Variants in ZNF37A observed in about 807,000 individuals in gnomAD.
The protein encoded by ZNF37A is zinc finger protein 37A, also known as zinc finger protein 37a (KOX 21).
A neutral mutation model predicts 12.3 loss-of-function variants in ZNF37A; 10 were observed. The observed-to-expected ratio is 0.82, with a 90% CI of 0.50 to 1.38. The LOEUF (loss-of-function observed/expected upper bound fraction) is 1.38. Among genes scored for constraint, ZNF37A ranks in the 40% most tolerant of loss-of-function variants. ZNF37A has a pLI of 0.00. For missense variants in ZNF37A, 580 were observed against 651.2 expected, an observed-to-expected ratio of 0.89 and a Z score of 1.19; for synonymous variants, 207 against 223.0, an observed-to-expected ratio of 0.93 and a Z score of 0.64.
intron 7 of ZNF37A, among the ~76,000 whole-genome samples, chr10:38,146,561 G>A (rs1333578336): frequency 6.6e-6 from 1 of 152,160 alleles, no homozygotes; most frequent in African/African-American, 2.4e-5. Flanking sequence ...GTTGATCCTG[G>A]AACAATCTGG....
downstream of ZNF37A, chr10:38,125,448 T>C (rs1387068467): frequency 6.6e-6 from 1 of 152,188 alleles, no homozygotes; most frequent in Non-Finnish European, 1.5e-5. Context: ...TTTTTAAATG[T>C]CCTGTGTTTA....
intron 5 of ZNF37A, among the ~76,000 whole-genome samples, chr10:38,101,349 ATTT>A (rs35151327): frequency 1.4e-5 from 2 of 145,104 alleles, no homozygotes; most frequent in Admixed American, 6.8e-5. Flanking sequence ...TTTTGAGTTA[ATTT>A]TTTTTTTTTT....
intron 5 of ZNF37A, among the ~76,000 whole-genome samples, chr10:38,097,527 G>A (rs2067238547): frequency 7.3e-6 from 1 of 136,712 alleles, no homozygotes; most frequent in Non-Finnish European, 1.5e-5. Flanking sequence ...GCAGTGAGCC[G>A]AGATTGAGAT....
intron 6 of ZNF37A, 93 bp downstream of exon 6, chr10:38,114,974 T>A: frequency 1.4e-6 from 2 of 1,481,044 alleles, no homozygotes; most frequent in Non-Finnish European, 1.8e-6. Flanking sequence ...TATAATAATA[T>A]TTAGGTTTGA....
rs149851397 is a variant in ZNF37A at position 38,124,554 on chromosome 10, A to G, written c.*5717A>G. On this transcript the variant is annotated 3_prime_UTR_variant, in exon 8 of 8. Coordinates refer to ENST00000685332, the MANE Select transcript of ZNF37A (RefSeq NM_001324250.3). ...ATGCCTATATCAAAATATATCATGT[A>G]CCCCATAGATATATACACCTAGTAT... 6.6e-6 allele frequency: 1 copy of G among 152,142 alleles called. No individual in the cohort carries two copies. Among genetic ancestry groups the G allele is most frequent in the African/African-American group, 2.4e-5 (1 of 41,418 alleles). The allele number at this position is 152,142 out of a possible 1,614,324, so 9.4% of individuals were successfully genotyped here.
chr10:38,144,001 A>G (rs2070221249), intron 7 of ZNF37A: 1 of 152,262 alleles, frequency 6.6e-6, no homozygotes. Flanking sequence ...CATGGTCCAC[A>G]TGGCGCCTGT....
At chr10:38,146,564 C>T (rs1247181033) in intron 7 of ZNF37A, among the ~76,000 whole-genome samples, 4 of 152,150 alleles carry the variant, frequency 2.6e-5, no homozygotes, top group Admixed American at 1.3e-4. Flanking sequence ...GATCCTGGAA[C>T]AATCTGGGCC....
In ZNF37A at chr10:38,119,188, A is replaced by T; in HGVS notation, c.*351A>T. 1 of 1,023,514 alleles carries T rather than the reference A, an allele frequency of 9.8e-7. No individual in the cohort carries two copies. The highest frequency in any genetic ancestry group is 1.2e-6 in the Non-Finnish European group (1 of 845,700). The allele number at this position is 1,023,514 out of a possible 1,614,324, so 63.4% of individuals were successfully genotyped here. A position where few individuals can be genotyped will look rare whatever the true frequency, so the allele number is the denominator to read the frequency against. On this transcript the variant is annotated 3_prime_UTR_variant, in exon 8 of 8. Coordinates refer to ENST00000685332, the MANE Select transcript of ZNF37A (RefSeq NM_001324250.3). ...TTTTCTGCTACTACTACAGTTTCAC[A>T]GAATACCTGAGAAGACACACTTGGA...
chr10:38,129,304 T>TTAAAAAAAAAAAAAAAAAAAAAAAA (rs1472360432), downstream of ZNF37A, among the ~76,000 whole-genome samples: 1 of 56,900 alleles, frequency 1.8e-5, no homozygotes, highest in Non-Finnish European at 3.7e-5. Flanking sequence ...AGACTCTGTC[T>TTAAAAAAAAAAAAAAAAAAAAAAAA]AAAAAAAAAA....
chr10:38,102,982 T>C (rs1333575963), intron 5 of ZNF37A, among the ~76,000 whole-genome samples: 1 of 152,200 alleles, frequency 6.6e-6, no homozygotes, highest in Non-Finnish European at 1.5e-5. Context: ...TCAAGACTCT[T>C]TGTCTTCTGA....
rs1248245420 is a variant in ZNF37A, at chr10:38,121,841, GT to G, written c.*3006del. The G allele has an allele frequency of 6.6e-6, 1 of 152,112 alleles. No homozygotes were observed. The highest frequency in any genetic ancestry group is 2.4e-5 in the African/African-American group (1 of 41,418). The allele number at this position is 152,112 out of a possible 1,614,324, so 9.4% of individuals were successfully genotyped here. On this transcript the variant is annotated 3_prime_UTR_variant, in exon 8 of 8. Transcript: ENST00000685332. ...AAGCACACCAACTGCCAAGTTATTA[GT>G]TCCTAAATACTATCCACAAAAAAGG...
chr10:38,117,254 G>A (rs182775552), intron 7 of ZNF37A, 136 bp from the exon 8 acceptor site: 24 of 1,428,814 alleles, frequency 1.7e-5, no homozygotes, highest in Non-Finnish European at 2.2e-5. Context: ...GTATAAGACT[G>A]GAAGTGTGCA....
At chr10:38,137,110 C>G (rs146540669) in intron 7 of ZNF37A, among the ~76,000 whole-genome samples, 4 of 152,154 alleles carry the variant, frequency 2.6e-5, no homozygotes, top group African/African-American at 4.8e-5. Flanking sequence ...CTTTTTCTAG[C>G]AGTAAGTCTG....
chr10:38,124,830 A>G (rs575255949), downstream of ZNF37A: 3 of 152,352 alleles, frequency 2.0e-5, no homozygotes, highest in East Asian at 3.9e-4. Context: ...CTGAATTAAA[A>G]TTTGACAAGT....
At chr10:38,117,323 A>T (rs1308670580) in intron 7 of ZNF37A, 67 bp from the exon 8 acceptor site, 34 of 1,521,672 alleles carry the variant, frequency 2.2e-5, no homozygotes, top group Non-Finnish European at 2.5e-5. Flanking sequence ...GCCTTCAAAT[A>T]TAATGCTAAG....
Position 38,144,105 on chromosome 10 carries a change from T to G in ZNF37A, c.239-2627T>G, listed in dbSNP as rs1352050553. The G allele has an allele frequency of 2.0e-5, 3 of 152,218 alleles. No homozygotes were observed. In the East Asian group the frequency reaches 5.8e-4, roughly 29 times the overall value. 9.4% of individuals were successfully genotyped at this position (152,218 alleles called of 1,614,324 possible). The stretch of plus-strand genomic sequence containing the variant: ...TTATTGCAATTAAGTTTTCTAGTCA[T>G]GAAACCTCTTCGAGGTATAGAATCA... On this transcript the variant is annotated intron_variant, in intron 7 of 7. Transcript: ENST00000638053.
intron 7 of ZNF37A, among the ~76,000 whole-genome samples, chr10:38,136,049 TA>T (rs1343882822): frequency 6.6e-6 from 1 of 152,244 alleles, no homozygotes. Flanking sequence ...CCTTTAGCTT[TA>T]AAAACTTTTT....
At chr10:38,133,186 T>C (rs999410773) in intron 7 of ZNF37A, among the ~76,000 whole-genome samples, 2 of 152,234 alleles carry the variant, frequency 1.3e-5, no homozygotes, top group Non-Finnish European at 2.9e-5. Context: ...AGATTTTGTA[T>C]TGAAATTGTT....
At chr10:38,147,559 T>G (rs2136088630) in exon 8 of ZNF37A, 1 of 152,350 alleles carries the variant, frequency 6.6e-6, no homozygotes, top group African/African-American at 2.4e-5. Flanking sequence ...TTTTGTGGAA[T>G]TATGTCCTCT....
Sources: gnomAD v4.1 joint callset for allele counts (sites outside exome capture counted in the v4.1 genomes callset) on GRCh38, gnomAD v4.1.1 for gene constraint, MANE v1.5 for transcripts, NCBI Gene and HGNC (gene_info 2026-07-23, HGNC 2026-07-21) for gene names.